PIGG: variants seen among roughly 807,000 people sequenced by gnomAD.
PIGG encodes the protein phosphatidylinositol glycan anchor biosynthesis class G (EMM blood group), also known as GPI ethanolamine phosphate transferase 2, catalytic subunit.
PIGG carries 70 observed loss-of-function variants against 83.2 expected under a neutral mutation model. The observed-to-expected ratio is 0.84, with a 90% CI of 0.69 to 1.03. The LOEUF is 1.03. Among genes scored for constraint, PIGG ranks in the 50% least tolerant of loss-of-function variants. PIGG has a pLI of 0.00. For missense variants in PIGG, 1,257 were observed against 1,233.6 expected, an observed-to-expected ratio of 1.02 and a Z score of -0.28; for synonymous variants, 532 against 519.5, an observed-to-expected ratio of 1.02 and a Z score of -0.33.
At chr4:526,547 T>C (rs552326278) in intron 9 of PIGG, among the ~76,000 whole-genome samples, 2 of 152,052 alleles carry the variant, frequency 1.3e-5, no homozygotes, top group South Asian at 2.1e-4. Flanking sequence ...ACTGAGTTAA[T>C]GGGAGGAGGC....
intron 5 of PIGG, among the ~76,000 whole-genome samples, chr4:510,426 C>T (rs183940101): frequency 2.4e-4 from 37 of 152,316 alleles, no homozygotes; most frequent in African/African-American, 8.9e-4. Flanking sequence ...CCCTCATTCC[C>T]GTAAACCCAC....
At chr4:507,766 C>A (rs1159822414) in intron 4 of PIGG, among the ~76,000 whole-genome samples, 173 bp downstream of exon 4, 2 of 152,234 alleles carry the variant, frequency 1.3e-5, no homozygotes, top group African/African-American at 4.8e-5. Flanking sequence ...ACTGCACTGA[C>A]TCCGTCTTCC....
intron 8 of PIGG, 64 bp downstream of exon 8, chr4:522,005 C>A: frequency 6.4e-7 from 1 of 1,567,270 alleles, no homozygotes; most frequent in Non-Finnish European, 8.8e-7. Flanking sequence ...CTTGTTATTT[C>A]AGGCTGCCTT....
rs763389573 is a variant in PIGG, at chr4:521,907, C to A, written c.1580C>A (p.Thr527Asn). 5 of 1,614,064 alleles carry A rather than the reference C, an allele frequency of 3.1e-6. No homozygotes were observed. In the African/African-American group the frequency reaches 5.3e-5, roughly 17 times the overall value. The change falls in exon 8 of 13, where the codon ACC becomes AAC. Residue 527 changes from threonine (T) to asparagine (N), a missense_variant. Coordinates refer to ENST00000453061, the MANE Select transcript of PIGG (RefSeq NM_001127178.3). ...CTGTGTGTGATTGTGTCTGTTCTGA[C>A]CAACGTGCTCGTGGGTGGAAACACC... ...ALLCVIVSVLTNVLVGGNTPR... is the reference protein window; with the variant it reads ...ALLCVIVSVLNNVLVGGNTPR...
chr4:520,248 T>A (rs990103749), intron 6 of PIGG, among the ~76,000 whole-genome samples: 2 of 152,062 alleles, frequency 1.3e-5, no homozygotes, highest in Admixed American at 6.5e-5. Context: ...ACCGAGGGGG[T>A]CTCAGGAAGG....
At chr4:521,379 A>G in intron 7 of PIGG, 106 bp downstream of exon 7, 4 of 779,446 alleles carry the variant, frequency 5.1e-6, no homozygotes, top group Non-Finnish European at 6.1e-6. Flanking sequence ...AAAATGGGAA[A>G]ATATTAATTT....
At chr4:526,112 T>C (rs1350182544) in intron 9 of PIGG, among the ~76,000 whole-genome samples, 13 of 152,236 alleles carry the variant, frequency 8.5e-5, no homozygotes. Context: ...ATGACAGTTA[T>C]TTTGAGGCAG....
Position 516,101 on chromosome 4 carries a change from A to G in PIGG, c.1030A>G (p.Met344Val), listed in dbSNP as rs757141700. The G allele has an allele frequency of 3.7e-6, 6 of 1,613,720 alleles. No homozygotes were observed. In the Admixed American group the frequency reaches 5.0e-5, roughly 13 times the overall value. ...ATTCCCAGTTGTGGAAGGAAGACCA[A>G]TGAGAGAGCAGTTGAGATTTTTACA... Reference protein sequence around the residue: ...LLFPVVEGRPMREQLRFLHLN... With the variant: ...LLFPVVEGRPVREQLRFLHLN... Residue 344 changes from methionine to valine, a missense_variant, in exon 6 of 13, where the codon ATG becomes GTG. Coordinates refer to ENST00000453061, the MANE Select transcript of PIGG (RefSeq NM_001127178.3).
intron 1 of PIGG, chr4:499,792 C>A (rs1267979401): frequency 8.3e-7 from 1 of 1,203,798 alleles, no homozygotes; most frequent in South Asian, 2.3e-5. Flanking sequence ...CCGCCCCTTT[C>A]CTGAGCAGCC....
chr4:530,324 G>A, intron 10 of PIGG, 112 bp from the exon 11 acceptor site: 2 of 760,586 alleles, frequency 2.6e-6, no homozygotes, highest in Admixed American at 2.4e-5. Context: ...TTAGTCAGCA[G>A]TGCTGGACAT....
intron 5 of PIGG, among the ~76,000 whole-genome samples, chr4:509,738 T>C (rs1721239894): frequency 6.6e-6 from 1 of 152,244 alleles, no homozygotes; most frequent in Non-Finnish European, 1.5e-5. Context: ...CCCTGGTCTT[T>C]TTTACTGGAC....
chr4:510,979 A>G (rs1338182378), intron 5 of PIGG, among the ~76,000 whole-genome samples: 1 of 151,968 alleles, frequency 6.6e-6, no homozygotes, highest in African/African-American at 2.4e-5. Flanking sequence ...TTCCAGGTTC[A>G]TAGTTATAGC....
At position 539,116 on chromosome 4, in the gene PIGG, G is replaced by C. The variant is rs753560154; in HGVS notation, c.2736-37G>C. 3 of 1,266,956 alleles carry C rather than the reference G, an allele frequency of 2.4e-6. No homozygotes were observed. The Admixed American group carries it at 5.1e-5, about 21-fold the overall frequency. 78.5% of individuals were successfully genotyped at this position (1,266,956 alleles called of 1,614,324 possible). The stretch of plus-strand genomic sequence containing the variant: ...GTTGTTACATGTGTGATATGTAAGT[G>C]GCATGTGCTAATACACATTTTCTTT... On this transcript the variant is annotated intron_variant, in intron 12 of 12. Transcript: ENST00000453061.
chr4:516,129 T>G lies in PIGG; in HGVS notation c.1058T>G (p.Leu353Trp), dbSNP rs1299182453. Residue 353 changes from leucine (L) to tryptophan (W), a missense_variant, in exon 6 of 13, where the codon TTG becomes TGG. Coordinates refer to ENST00000453061, the MANE Select transcript of PIGG (RefSeq NM_001127178.3). ...AGAGAGCAGTTGAGATTTTTACATT[T>G]GAATACAGTGCAGCTTAGTAAACTG... The part of the protein sequence containing the change: ...PMREQLRFLH[L>W]NTVQLSKLLQ... The G allele has an allele frequency of 7.4e-6, 12 of 1,614,106 alleles. No homozygotes were observed. Among genetic ancestry groups the G allele is most frequent in the Non-Finnish European group, 1.0e-5 (12 of 1,179,958 alleles).
At chr4:513,778 G>C (rs1471366603) in intron 5 of PIGG, among the ~76,000 whole-genome samples, 2 of 152,128 alleles carry the variant, frequency 1.3e-5, no homozygotes, top group Admixed American at 6.6e-5. Flanking sequence ...GCAATCCACA[G>C]GCCTACCCTG....
At chr4:504,965 A>G (rs1313547159) in intron 2 of PIGG, among the ~76,000 whole-genome samples, 5 of 152,174 alleles carry the variant, frequency 3.3e-5, no homozygotes, top group Non-Finnish European at 5.9e-5. Flanking sequence ...TTCACGCTTT[A>G]GGACTGCTTT....
chr4:536,855 A>T (rs1489492015), intron 12 of PIGG: 2 of 152,324 alleles, frequency 1.3e-5, no homozygotes, highest in African/African-American at 2.4e-5. Context: ...CCCAGTGGCC[A>T]GCTGGAGACG....
rs782640591 is a variant in PIGG at position 505,667 on chromosome 4, A to G, written c.361-51A>G. ...AAAAAAAATCTTCAGTGCCCTTTTC[A>G]TGCTCCGGTTTTGGATTCAGTGGCC... On this transcript the variant is annotated intron_variant, in intron 2 of 12. Coordinates refer to ENST00000453061, the MANE Select transcript of PIGG (RefSeq NM_001127178.3). The G allele has an allele frequency of 3.0e-6, 4 of 1,324,306 alleles. No homozygotes were observed. The South Asian group carries it at 3.8e-5, about 12-fold the overall frequency. The allele number at this position is 1,324,306 out of a possible 1,614,324, so 82.0% of individuals were successfully genotyped here.
intron 7 of PIGG, 88 bp downstream of exon 7, chr4:521,361 T>C: frequency 1.2e-6 from 1 of 833,796 alleles, no homozygotes; most frequent in Non-Finnish European, 1.9e-6. Flanking sequence ...TATATATAGG[T>C]GTTATTAAAA....
Sources: gnomAD v4.1 joint callset for allele counts (sites outside exome capture counted in the v4.1 genomes callset) on GRCh38, gnomAD v4.1.1 for gene constraint, MANE v1.5 for transcripts, NCBI Gene and HGNC (gene_info 2026-07-23, HGNC 2026-07-21) for gene names.